Variants in PSG6 observed in about 807,000 individuals in gnomAD.
The protein encoded by PSG6 is pregnancy specific beta-1-glycoprotein 6.
In PSG6, 51 loss-of-function variants were observed where a neutral mutation model predicts 43.3. That is an observed-to-expected ratio of 1.18 (90% confidence interval 0.94 to 1.49). The LOEUF (loss-of-function observed/expected upper bound fraction) is 1.49, where lower values mean the gene tolerates loss of function less well. PSG6 is among the 40% of genes most tolerant of loss of function. PSG6 has a pLI of 0.00. For synonymous variants in PSG6, 292 were observed against 197.6 expected (o/e 1.48, Z -4.01); for missense variants, 770 against 522.2 (o/e 1.47, Z -4.62).
At chr19:42,916,944 T>A (rs1324065865) in intron 1 of PSG6, among the ~76,000 whole-genome samples, 1 of 151,494 alleles carries the variant, frequency 6.6e-6, no homozygotes, top group African/African-American at 2.4e-5. Context: ...TGCATGTCTG[T>A]CTTCCTCCCC....
rs191065093 is a variant in PSG6 at position 42,914,800 on chromosome 19, G to C, written c.427+1325C>G. ...GTCTCTCTCACTGGGCCTGTGCTGA[G>C]GCAGGGTGTGAGTGGGGAAAGAAAA... On this transcript the variant is annotated intron_variant, in intron 2 of 5. Transcript: ENST00000187910. 3.6e-3 allele frequency among the ~76,000 whole-genome samples: 542 copies of C among 151,742 alleles called. 8 individuals are homozygous for C. Among genetic ancestry groups the C allele is most frequent in the African/African-American group, 0.012 (504 of 41,360 alleles).
chr19:42,907,639 G>C lies in PSG6; in HGVS notation c.922C>G (p.Gln308Glu), dbSNP rs773546902. The C allele has an allele frequency of 1.1e-5, 17 of 1,611,670 alleles. No individual in the cohort carries two copies. The highest frequency in any genetic ancestry group is 1.4e-5 in the Non-Finnish European group (17 of 1,179,138). The part of the protein sequence containing the change: ...SVTRNETGPY[Q>E]CEIRDRYGGI... ...CCATATCGGTCCCGTATTTCACATT[G>C]ATAGGGTCCTGTTTCATTTCTCGTG... Residue 308 changes from glutamine (Q) to glutamate (E), a missense_variant, in exon 4 of 6, where the codon CAA becomes GAA. Gln to Glu is a conservative substitution (Grantham distance 29). Transcript: ENST00000187910.
rs375920194 is a variant in PSG6 at position 42,910,730 on chromosome 19, G to A, written c.556C>T (p.Leu186Phe). 13 of 1,612,258 alleles carry A rather than the reference G, an allele frequency of 8.1e-6. 1 individual carries two copies. The highest frequency in any genetic ancestry group is 1.1e-5 in the Non-Finnish European group (13 of 1,179,264). The stretch of plus-strand genomic sequence containing the variant: ...AGCTGCAACCTGTGAGTCATAGGGA[G>A]GTTCTGACCATTCAGCAACCACAGG... ...SYLWLLNGQN[L>F]PMTHRLQLSK... Residue 186 changes from leucine (L) to phenylalanine (F), a missense_variant, in exon 3 of 6, where the codon CTC becomes TTC. By Grantham distance (22) the Leu-to-Phe change is conservative. Coordinates refer to ENST00000187910, the MANE Select transcript of PSG6 (RefSeq NM_001031850.4).
rs368696476 is a variant in PSG6 at position 42,907,773 on chromosome 19, G to C, written c.788C>G (p.Pro263Arg). The C allele has an allele frequency of 3.1e-6, 5 of 1,610,920 alleles. No homozygotes were observed. In the African/African-American group the frequency reaches 6.7e-5, roughly 22 times the overall value. Residue 263 changes from proline (P) to arginine (R), a missense_variant, in exon 4 of 6, where the codon CCT (proline) becomes CGT (arginine). Pro to Arg is a moderately radical substitution (Grantham distance 103, BLOSUM62 -2). Coordinates refer to ENST00000187910, the MANE Select transcript of PSG6 (RefSeq NM_001031850.4). ...KKDVLAFTCE[P>R]KSRNYTYIWW... is the part of the protein sequence containing the mutation. ...AATGTAGGTGTAGTTCCGACTCTTA[G>C]GTTCACAGGTGAAGGCTAACACATC...
chr19:42,910,508 T>A (rs750658690), intron 3 of PSG6, 72 bp downstream of exon 3: 42 of 1,611,646 alleles, frequency 2.6e-5, no homozygotes, highest in African/African-American at 1.9e-4. Context: ...TGAGAGGGAC[T>A]GAGAGGCCTG....
At chr19:42,907,211 A>T in intron 4 of PSG6, 35 bp from the exon 5 acceptor site, 2 of 1,599,422 alleles carry the variant, frequency 1.3e-6, no homozygotes, top group South Asian at 1.1e-5. Context: ...AGGTGATGTC[A>T]TCCAAGGGAA....
intron 5 of PSG6, chr19:42,903,687 T>C: frequency 6.5e-7 from 1 of 1,531,554 alleles, no homozygotes; most frequent in East Asian, 2.5e-5. Context: ...ACCAGGTGTT[T>C]GGACCAGCAT....
At chr19:42,908,288 A>G (rs1015256621) in intron 3 of PSG6, among the ~76,000 whole-genome samples, 16 of 151,656 alleles carry the variant, frequency 1.1e-4, no homozygotes, top group Admixed American at 9.9e-4. Flanking sequence ...CATTCTAGAG[A>G]TGAGTAATAA....
Position 42,906,966 on chromosome 19 carries a change from G to A in PSG6, c.1196C>T (p.Ala399Val). 2 of 1,612,454 alleles carry A rather than the reference G, an allele frequency of 1.2e-6. No homozygotes were observed. The highest frequency in any genetic ancestry group is 1.7e-6 in the Non-Finnish European group (2 of 1,179,110). ...GGATTTGGAGATTTCCTTGCCAGTG[G>A]CTGAGTTACGAACAGAGCAAGCATA... is the stretch of plus-strand genomic sequence containing the variant. ...GLYACSVRNS[A>V]TGKEISKSMI... The change falls in exon 5 of 6, where the codon GCC (alanine) becomes GTC (valine). Residue 399 changes from alanine to valine, a missense_variant. Physicochemically the swap from Ala to Val is moderately conservative, Grantham distance 64. Coordinates refer to ENST00000187910, the MANE Select transcript of PSG6 (RefSeq NM_001031850.4).
intron 2 of PSG6, among the ~76,000 whole-genome samples, chr19:42,912,072 A>G (rs1972237781): frequency 6.6e-6 from 1 of 151,554 alleles, no homozygotes; most frequent in Non-Finnish European, 1.5e-5. Context: ...TTTATTTTGG[A>G]ATATTTGCAG....
In PSG6 at chr19:42,917,704, C is replaced by A. The variant is rs1379214420; in HGVS notation, c.64+25G>T. The A allele has an allele frequency of 5.6e-6, 9 of 1,607,554 alleles. No individual in the cohort carries two copies. The East Asian group carries it at 2.0e-4, about 36-fold the overall frequency. ...AGTCACTCTGCTTCCTCCTCCTGTC[C>A]TCTCCCAGGAAGTCCTCTCCTCACC... On this transcript the variant is annotated intron_variant, in intron 1 of 5. Transcript: ENST00000187910.
chr19:42,903,018 G>C (rs1229735822), intron 5 of PSG6, among the ~76,000 whole-genome samples: 5 of 151,576 alleles, frequency 3.3e-5, no homozygotes, highest in African/African-American at 1.2e-4. Flanking sequence ...ACCCTGTCAG[G>C]TAGGCATTAT....
chr19:42,916,232 A>G lies in PSG6; in HGVS notation c.320T>C (p.Leu107Pro), dbSNP rs1972325574. The change falls in exon 2 of 6, where the codon CTG (leucine) becomes CCG (proline). Residue 107 changes from leucine (L) to proline (P), a missense_variant. By Grantham distance (98) the Leu-to-Pro change is moderately conservative. Transcript: ENST00000187910. ...RETVYSNASLLIQNVTQEDAG... is the reference protein window; with the variant it reads ...RETVYSNASLPIQNVTQEDAG... ...ATCCTCCTGTGTGACATTCTGGATC[A>G]GCAGGGATGCATTGGAATATACTGT... is the stretch of plus-strand genomic sequence containing the variant. The G allele has an allele frequency of 6.2e-6, 10 of 1,612,312 alleles. No homozygotes were observed. The highest frequency in any genetic ancestry group is 7.6e-6 in the Non-Finnish European group (9 of 1,179,128).
chr19:42,917,633 C>T (rs934477927), intron 1 of PSG6, 96 bp downstream of exon 1: 2 of 1,543,560 alleles, frequency 1.3e-6, no homozygotes, highest in South Asian at 1.1e-5. Flanking sequence ...TAAGTGCTGG[C>T]TTCTTTTATT....
Position 42,916,441 on chromosome 19 carries a change from T to C in PSG6, c.111A>G (p.Ile37Met), listed in dbSNP as rs1314599458. The C allele has an allele frequency of 1.1e-5, 18 of 1,611,790 alleles. 2 individuals are homozygous for C. The East Asian group carries it at 1.1e-4, about 10-fold the overall frequency. The change falls in exon 2 of 6, where the codon ATA (isoleucine) becomes ATG (methionine). Residue 37 changes from isoleucine (I) to methionine (M), a missense_variant. Physicochemically the swap from Ile to Met is conservative, Grantham distance 10. Transcript: ENST00000187910. ...AAACTTTGGGTGGCTTGGCTTCAAT[T>C]ATTACTTGGGCAGTGGTGGGCAGGT... Reference protein sequence around the residue: ...FWNLPTTAQVIIEAKPPKVSE... With the variant: ...FWNLPTTAQVMIEAKPPKVSE...
intron 5 of PSG6, chr19:42,903,647 TG>T: frequency 6.6e-7 from 1 of 1,518,792 alleles, no homozygotes; most frequent in Non-Finnish European, 8.8e-7. Flanking sequence ...CCTAGCACTT[TG>T]GGAGGTCACA....
intron 2 of PSG6, among the ~76,000 whole-genome samples, chr19:42,911,465 A>G (rs1384690838): frequency 6.6e-6 from 1 of 151,564 alleles, no homozygotes; most frequent in Non-Finnish European, 1.5e-5. Context: ...CAGGTGTCTC[A>G]TAGTGACTGA....
rs140406807 is a variant in PSG6, at chr19:42,917,767, C to T, written c.26G>A (p.Cys9Tyr). The change falls in exon 1 of 6, where the codon TGC becomes TAC. Residue 9 changes from cysteine (C) to tyrosine (Y), a missense_variant. Coordinates refer to ENST00000187910, the MANE Select transcript of PSG6 (RefSeq NM_001031850.4). The stretch of plus-strand genomic sequence containing the variant: ...CCCCTTCCAGGTGATGTGCTGAGTG[C>T]AGGGAGGGGCTGAGAGGGGTCCCAT... MGPLSAPP[C>Y]TQHITWKGLL... 1.2e-3 allele frequency: 1,912 copies of T among 1,610,160 alleles called. 32 individuals are homozygous for T. Among genetic ancestry groups the T allele is most frequent in the East Asian group, 4.7e-4 (21 of 44,668 alleles).
intron 2 of PSG6, among the ~76,000 whole-genome samples, chr19:42,911,557 G>C (rs1972226526): frequency 6.6e-6 from 1 of 151,648 alleles, no homozygotes; most frequent in Non-Finnish European, 1.5e-5. Flanking sequence ...GAGCTGATAG[G>C]TTTGGCCCAA....
Sources: gnomAD v4.1 joint callset for allele counts (sites outside exome capture counted in the v4.1 genomes callset) on GRCh38, gnomAD v4.1.1 for gene constraint, MANE v1.5 for transcripts, NCBI Gene and HGNC (gene_info 2026-07-23, HGNC 2026-07-21) for gene names.